The following RIT1 variants were observed in gnomAD, a reference collection of about 807,000 sequenced individuals.
The protein encoded by RIT1 is Ras like without CAAX 1.
RIT1 carries 6 observed loss-of-function variants against 25.6 expected under a neutral mutation model. That is an observed-to-expected ratio of 0.23 (90% CI 0.13 to 0.46). RIT1 has a LOEUF of 0.46. RIT1 is among the 20% of genes least tolerant of loss of function. The probability of loss-of-function intolerance (pLI) is 0.99; values close to 1 mark genes in which losing one functional copy is unlikely to be tolerated. For missense variants in RIT1, 219 were observed against 284.4 expected, an observed-to-expected ratio of 0.77 and a Z score of 1.65; for synonymous variants, 81 against 94.1, an observed-to-expected ratio of 0.86 and a Z score of 0.80.
Position 155,898,487 on chromosome 1 carries a change from C to G in RIT1, c.*1901G>C, listed in dbSNP as rs1490676006. 1.2e-5 allele frequency: 1 copy of G among 84,344 alleles called. No homozygotes were observed. The highest frequency in any genetic ancestry group is 2.1e-5 in the Non-Finnish European group (1 of 48,228). The allele number at this position is 84,344 out of a possible 1,614,324, so 5.2% of individuals were successfully genotyped here. Reference sequence around the variant, plus strand: ...TGGGCAACATAGTGAAACCTCATCTCTATTTAAAAAAAAAAAAAAAAAAAA... The same window carrying G: ...TGGGCAACATAGTGAAACCTCATCTGTATTTAAAAAAAAAAAAAAAAAAAA... On this transcript the variant is annotated 3_prime_UTR_variant, in exon 6 of 6. Coordinates refer to ENST00000368323, the MANE Select transcript of RIT1 (RefSeq NM_006912.6).
In RIT1 at chr1:155,910,185, C is replaced by G. The variant is rs556934396; in HGVS notation, c.163+265G>C. ...GCAAGAAAAGGCTTCGTTAAGTGGC[C>G]TGTATACAACCATAAAAAAATACAA... On this transcript the variant is annotated intron_variant, in intron 3 of 5. Coordinates refer to ENST00000368323, the MANE Select transcript of RIT1 (RefSeq NM_006912.6). The G allele has an allele frequency of 2.8e-5, 11 of 397,280 alleles. No homozygotes were observed. The South Asian group carries it at 3.5e-4, about 13-fold the overall frequency. The allele number at this position is 397,280 out of a possible 1,614,324, so 24.6% of individuals were successfully genotyped here.
chr1:155,906,152 CCA>C (rs775679366), intron 3 of RIT1, among the ~76,000 whole-genome samples: 1 of 152,048 alleles, frequency 6.6e-6, no homozygotes, highest in Non-Finnish European at 1.5e-5. Context: ...TCTAAATAAT[CCA>C]CAGTTTCGTA....
rs904930768 is a variant in RIT1 at position 155,899,696 on chromosome 1, A to G, written c.*692T>C. On this transcript the variant is annotated 3_prime_UTR_variant, in exon 6 of 6. Transcript: ENST00000368323. ...AAGAGTAAAATAAGGTTCCCAGGAG[A>G]AACCTTCATCACATTTTATGCTTCT... The G allele has an allele frequency of 4.9e-5, 11 of 226,152 alleles. No homozygotes were observed. The highest frequency in any genetic ancestry group is 9.7e-5 in the Non-Finnish European group (11 of 113,608). The allele number at this position is 226,152 out of a possible 1,614,324, so 14.0% of individuals were successfully genotyped here. A position where few individuals can be genotyped will look rare whatever the true frequency, so the allele number is the denominator to read the frequency against.
chr1:155,901,886 C>A (rs1673319075), intron 5 of RIT1, among the ~76,000 whole-genome samples: 3 of 151,962 alleles, frequency 2.0e-5, no homozygotes, highest in African/African-American at 7.3e-5. Context: ...CTGAAGCAGG[C>A]AGGCAGATCA....
intron 3 of RIT1, among the ~76,000 whole-genome samples, chr1:155,906,239 G>GA (rs1457729720): frequency 4.0e-5 from 6 of 150,262 alleles, no homozygotes; most frequent in South Asian, 4.2e-4. Context: ...AAACTAAAAA[G>GA]AAAAAAAAAG....
In RIT1 at chr1:155,904,358, G is replaced by C; in HGVS notation, c.382C>G (p.Pro128Ala). The C allele has an allele frequency of 1.9e-6, 3 of 1,614,006 alleles. No homozygotes were observed. The highest frequency in any genetic ancestry group is 2.5e-6 in the Non-Finnish European group (3 of 1,179,930). The change falls in exon 5 of 6, where the codon CCT becomes GCT. Residue 128 changes from proline to alanine, a missense_variant. Physicochemically the swap from Pro to Ala is conservative, Grantham distance 27. Coordinates refer to ENST00000368323, the MANE Select transcript of RIT1 (RefSeq NM_006912.6). ...IYRVRRTDDT[P>A]VVLVGNKSDL... ...GACTTGTTTCCCACAAGAACCACAGGTGTATCGTCAGTACGTCGGACTCGA... is the reference window on the plus strand; with the variant it reads ...GACTTGTTTCCCACAAGAACCACAGCTGTATCGTCAGTACGTCGGACTCGA...
chr1:155,905,800 T>G (rs1225110180), intron 3 of RIT1, among the ~76,000 whole-genome samples: 1 of 151,146 alleles, frequency 6.6e-6, no homozygotes, highest in African/African-American at 2.4e-5. Context: ...TCCTCAATAC[T>G]ACAAAAAAGG....
In RIT1 at chr1:155,899,786, T is replaced by C. The variant is rs1673273421; in HGVS notation, c.*602A>G. 4.5e-6 allele frequency: 1 copy of C among 220,020 alleles called. No homozygotes were observed. 13.6% of individuals were successfully genotyped at this position (220,020 alleles called of 1,614,324 possible). A position where few individuals can be genotyped will look rare whatever the true frequency, so the allele number is the denominator to read the frequency against. On this transcript the variant is annotated 3_prime_UTR_variant, in exon 6 of 6. Coordinates refer to ENST00000368323, the MANE Select transcript of RIT1 (RefSeq NM_006912.6). ...GTACTTCTTAGAAAAGCGAAGCTTG[T>C]ACTGAGAATACTGTTCTGAACCTAC... is the stretch of plus-strand genomic sequence containing the variant.
chr1:155,910,413 G>A, intron 3 of RIT1, 37 bp downstream of exon 3: 2 of 1,511,908 alleles, frequency 1.3e-6, no homozygotes, highest in Non-Finnish European at 1.8e-6. Context: ...TATTTTTATG[G>A]GGTATATTTG....
intron 3 of RIT1, among the ~76,000 whole-genome samples, chr1:155,907,254 T>C (rs1349877239): frequency 2.6e-5 from 4 of 151,950 alleles, no homozygotes; most frequent in African/African-American, 9.7e-5. Context: ...TTTTTTTTTT[T>C]TTTGAGGCAA....
chr1:155,904,220 A>G, intron 5 of RIT1, 91 bp downstream of exon 5: 2 of 1,048,718 alleles, frequency 1.9e-6, no homozygotes, highest in Non-Finnish European at 1.4e-6. Context: ...AGGCAAAAAA[A>G]TCTGTAAGCC....
chr1:155,904,602 C>T (rs763662054), intron 4 of RIT1, 100 bp from the exon 5 acceptor site: 9 of 1,243,210 alleles, frequency 7.2e-6, no homozygotes, highest in Non-Finnish European at 1.0e-5. Context: ...ATGTCGATTA[C>T]CTGCTATCCT....
In RIT1 at chr1:155,900,248, CCA is replaced by C. The variant is rs1399247310; in HGVS notation, c.*138_*139del. ...TAACTAAGAGACAATACTTTAAATA[CCA>C]CATCATTAAAAACTCCTAGTAGGCA... On this transcript the variant is annotated 3_prime_UTR_variant, in exon 6 of 6. Transcript: ENST00000368323. 1 of 651,568 alleles carries C rather than the reference CCA, an allele frequency of 1.5e-6. No homozygotes were observed. The highest frequency in any genetic ancestry group is 2.7e-6 in the Non-Finnish European group (1 of 368,332). The allele number at this position is 651,568 out of a possible 1,614,324, so 40.4% of individuals were successfully genotyped here. A position where few individuals can be genotyped will look rare whatever the true frequency, so the allele number is the denominator to read the frequency against.
chr1:155,901,063 C>T (rs1394678565), intron 5 of RIT1, among the ~76,000 whole-genome samples: 3 of 152,222 alleles, frequency 2.0e-5, no homozygotes, highest in Non-Finnish European at 4.4e-5. Flanking sequence ...GATCTGCCCA[C>T]CTCGGCCTCC....
rs1673579328 is a variant in RIT1 at position 155,910,775 on chromosome 1, C to G, written c.-14G>C. ...TCCAGAATCCATTGTCCTCTTGGGGCCTTCCTCGGTTGCCCCGAGGAAAAG... is the reference window on the plus strand; with the variant it reads ...TCCAGAATCCATTGTCCTCTTGGGGGCTTCCTCGGTTGCCCCGAGGAAAAG... On this transcript the variant is annotated 5_prime_UTR_variant, in exon 2 of 6. Coordinates refer to ENST00000368323, the MANE Select transcript of RIT1 (RefSeq NM_006912.6). 8.1e-6 allele frequency: 13 copies of G among 1,614,078 alleles called. No homozygotes were observed. Among genetic ancestry groups the G allele is most frequent in the African/African-American group, 1.3e-5 (1 of 74,936 alleles).
intron 5 of RIT1, among the ~76,000 whole-genome samples, chr1:155,903,339 G>A (rs1359123135): frequency 6.6e-6 from 1 of 151,042 alleles, no homozygotes; most frequent in African/African-American, 2.4e-5. Context: ...TGTAATCCCA[G>A]CTACTCAGGA....
At chr1:155,902,029 T>A (rs1019883898) in intron 5 of RIT1, among the ~76,000 whole-genome samples, 9 of 151,922 alleles carry the variant, frequency 5.9e-5, no homozygotes, top group Non-Finnish European at 1.2e-4. Context: ...GGGAAAAGAG[T>A]TGAGCAAACA....
chr1:155,900,549 A>G lies in RIT1; in HGVS notation c.499T>C (p.Tyr167His). The G allele has an allele frequency of 6.2e-7, 1 of 1,614,192 alleles. No homozygotes were observed. The highest frequency in any genetic ancestry group is 8.5e-7 in the Non-Finnish European group (1 of 1,180,020). Residue 167 changes from tyrosine (Y) to histidine (H), a missense_variant, in exon 6 of 6, where the codon TAC (tyrosine) becomes CAC (histidine). Physicochemically the swap from Tyr to His is moderately conservative, Grantham distance 83. Transcript: ENST00000368323. ...SCPFFETSAA[Y>H]RYYIDDVFHA... Reference sequence around the variant, plus strand: ...AAAACATCATCAATATAGTAGCGGTATGCAGCAGATGTCTCAAAAAAGGGA... The same window carrying G: ...AAAACATCATCAATATAGTAGCGGTGTGCAGCAGATGTCTCAAAAAAGGGA...
At chr1:155,908,184 G>A (rs1476466318) in intron 3 of RIT1, among the ~76,000 whole-genome samples, 2 of 151,054 alleles carry the variant, frequency 1.3e-5, no homozygotes, top group Non-Finnish European at 2.9e-5. Flanking sequence ...GGCCGGGCAC[G>A]GTGGCTCACG....
Sources: gnomAD v4.1 joint callset for allele counts (sites outside exome capture counted in the v4.1 genomes callset) on GRCh38, gnomAD v4.1.1 for gene constraint, MANE v1.5 for transcripts, NCBI Gene and HGNC (gene_info 2026-07-23, HGNC 2026-07-21) for gene names.